Variants in SLC44A1 observed in about 807,000 individuals in gnomAD.
The protein encoded by SLC44A1 is choline transporter-like protein 1.
SLC44A1 carries 26 observed loss-of-function variants against 79.3 expected under a neutral mutation model. That is an observed-to-expected ratio of 0.33 (90% CI 0.24 to 0.46). SLC44A1 has a LOEUF of 0.46. Among genes scored for constraint, SLC44A1 ranks in the 20% least tolerant of loss-of-function variants. The pLI is 1.00. For synonymous variants in SLC44A1, 263 were observed against 286.2 expected (o/e 0.92, Z 0.82); for missense variants, 688 against 798.1 (o/e 0.86, Z 1.66).
At chr9:105,313,457 G>A (rs752307013) in intron 3 of SLC44A1, among the ~76,000 whole-genome samples, 4 of 152,164 alleles carry the variant, frequency 2.6e-5, no homozygotes, top group Non-Finnish European at 4.4e-5. Flanking sequence ...CACTTAAATT[G>A]TTGGTCAGGG....
intron 5 of SLC44A1, among the ~76,000 whole-genome samples, chr9:105,351,263 G>A: frequency 6.6e-6 from 1 of 152,186 alleles, no homozygotes; most frequent in East Asian, 1.9e-4. Flanking sequence ...GCCAGATGCA[G>A]TGGCTTATGC....
At chr9:105,415,145 G>C (rs966691818) in intron 15 of SLC44A1, among the ~76,000 whole-genome samples, 3 of 152,176 alleles carry the variant, frequency 2.0e-5, no homozygotes, top group African/African-American at 7.2e-5. Flanking sequence ...GAGGTTTATT[G>C]AGTGAATCAA....
chr9:105,411,573 A>G (rs1231645387), intron 15 of SLC44A1, among the ~76,000 whole-genome samples: 3 of 151,856 alleles, frequency 2.0e-5, no homozygotes, highest in Non-Finnish European at 2.9e-5. Context: ...CTGGTCAACA[A>G]TCCAATCTAG....
At chr9:105,273,769 C>T (rs374936468) in intron 1 of SLC44A1, among the ~76,000 whole-genome samples, 1 of 151,912 alleles carries the variant, frequency 6.6e-6, no homozygotes, top group African/African-American at 2.4e-5. Context: ...TTTTGTATTG[C>T]TCTAAAATCA....
intron 15 of SLC44A1, among the ~76,000 whole-genome samples, chr9:105,417,588 G>A (rs1829188050): frequency 6.6e-6 from 1 of 152,150 alleles, no homozygotes. Flanking sequence ...TTCTCTTGAA[G>A]ACTGAGTGAA....
At chr9:105,247,471 A>G (rs1261149494) in intron 1 of SLC44A1, among the ~76,000 whole-genome samples, 1 of 151,970 alleles carries the variant, frequency 6.6e-6, no homozygotes, top group Non-Finnish European at 1.5e-5. Flanking sequence ...CTAATTTTGT[A>G]TTTTTGGTAG....
intron 15 of SLC44A1, among the ~76,000 whole-genome samples, chr9:105,421,585 T>C (rs2131516165): frequency 7.0e-6 from 1 of 142,694 alleles, no homozygotes; most frequent in African/African-American, 2.5e-5. Context: ...GAAATCTCTT[T>C]TTTTTTTTTT....
At chr9:105,257,033 G>A (rs958789819) in intron 1 of SLC44A1, among the ~76,000 whole-genome samples, 16 of 151,902 alleles carry the variant, frequency 1.1e-4, no homozygotes, top group African/African-American at 3.4e-4. Flanking sequence ...TAATCCACCC[G>A]CCTTGGCCTC....
At chr9:105,334,458 T>C (rs1826849562) in intron 3 of SLC44A1, among the ~76,000 whole-genome samples, 1 of 152,194 alleles carries the variant, frequency 6.6e-6, no homozygotes, top group Admixed American at 6.5e-5. Context: ...CTAATTTTTA[T>C]ATTAGGTTAT....
rs377090781 is a variant in SLC44A1, at chr9:105,405,871, G to C, written c.1950+20369G>C. Reference sequence around the variant, plus strand: ...GGCAGACAGATGGAAGCCTGGGAAAGAAGAGGCTAGAAAAGGACATACACG... The same window carrying C: ...GGCAGACAGATGGAAGCCTGGGAAACAAGAGGCTAGAAAAGGACATACACG... On this transcript the variant is annotated intron_variant, in intron 15 of 15. Transcript: ENST00000374724. Among the ~76,000 whole-genome samples, 9 of 152,310 alleles carry C rather than the reference G, an allele frequency of 5.9e-5. No homozygotes were observed. The South Asian group carries it at 6.2e-4, about 11-fold the overall frequency.
At chr9:105,309,949 G>A in intron 3 of SLC44A1, 83 bp downstream of exon 3, 1 of 1,357,232 alleles carries the variant, frequency 7.4e-7, no homozygotes. Context: ...CTGTTTTAAA[G>A]ATAATATCTT....
intron 12 of SLC44A1, among the ~76,000 whole-genome samples, chr9:105,370,405 C>T (rs1040047197): frequency 7.2e-5 from 11 of 152,080 alleles, no homozygotes; most frequent in Non-Finnish European, 8.8e-5. Flanking sequence ...AAAGGAATTG[C>T]ATAGATCCAT....
intron 3 of SLC44A1, among the ~76,000 whole-genome samples, chr9:105,313,656 A>G (rs946771494): frequency 1.2e-4 from 18 of 152,162 alleles, no homozygotes; most frequent in African/African-American, 4.3e-4. Flanking sequence ...TTCCAAAAAC[A>G]TACTTTTTCT....
Position 105,394,465 on chromosome 9 carries a change from T to C in SLC44A1, c.*5409T>C. On this transcript the variant is annotated 3_prime_UTR_variant, in exon 16 of 16. Transcript: ENST00000374720. ...TGTTTGTGTGTGTGTGTGTGTGTCC[T>C]GGCGGTTATTTGGGGGCAAGGTACC... 2.1e-6 allele frequency: 2 copies of C among 964,996 alleles called. No homozygotes were observed. Among genetic ancestry groups the C allele is most frequent in the South Asian group, 9.8e-5 (2 of 20,448 alleles). 59.8% of individuals were successfully genotyped at this position (964,996 alleles called of 1,614,324 possible). A position where few individuals can be genotyped will look rare whatever the true frequency, so the allele number is the denominator to read the frequency against.
At chr9:105,253,827 C>T (rs1475068283) in intron 1 of SLC44A1, among the ~76,000 whole-genome samples, 3 of 152,104 alleles carry the variant, frequency 2.0e-5, no homozygotes, top group South Asian at 2.1e-4. Flanking sequence ...CGGGTTTAAG[C>T]GATTCTCCTG....
chr9:105,384,104 A>G lies in SLC44A1; in HGVS notation c.1869+745A>G, dbSNP rs565396410. ...GGTAATATTGAATACTAAGCATTAT[A>G]CATTGAAATAACAAGTCATTTTCCA... On this transcript the variant is annotated intron_variant, in intron 14 of 15. Transcript: ENST00000374720. 9.8e-5 allele frequency among the ~76,000 whole-genome samples: 15 copies of G among 152,342 alleles called. No individual in the cohort carries two copies. The South Asian group carries it at 2.7e-3, about 27-fold the overall frequency.
At position 105,335,766 on chromosome 9, in the gene SLC44A1, C is replaced by T. The variant is rs1826899021; in HGVS notation, c.406+67C>T. 1.7e-5 allele frequency: 24 copies of T among 1,448,406 alleles called. No individual in the cohort carries two copies. The South Asian group carries it at 2.5e-4, about 15-fold the overall frequency. 89.7% of individuals were successfully genotyped at this position (1,448,406 alleles called of 1,614,324 possible). A position where few individuals can be genotyped will look rare whatever the true frequency, so the allele number is the denominator to read the frequency against. On this transcript the variant is annotated intron_variant, in intron 4 of 15. Coordinates refer to ENST00000374720, the MANE Select transcript of SLC44A1 (RefSeq NM_080546.5). ...TTCTCTTTGTTAAATATAAATTTGC[C>T]CTAGTGTTAAATAAATTATCAAGGA...
Position 105,348,456 on chromosome 9 carries a change from AT to A in SLC44A1, c.500+9del. 1 of 1,541,880 alleles carries A rather than the reference AT, an allele frequency of 6.5e-7. No individual in the cohort carries two copies. The highest frequency in any genetic ancestry group is 9.0e-7 in the Non-Finnish European group (1 of 1,114,716). ...CAAACTACCAGTTCCAGCGAGGTAA[AT>A]TTTATTGCAAAGTTGTTAACTTGTG... On this transcript the variant is annotated splice_donor_region_variant and intron_variant, in intron 5 of 15. Transcript: ENST00000374720.
At chr9:105,350,547 A>G (rs898549957) in intron 5 of SLC44A1, among the ~76,000 whole-genome samples, 1 of 152,150 alleles carries the variant, frequency 6.6e-6, no homozygotes, top group African/African-American at 2.4e-5. Flanking sequence ...ACCCCTCAGC[A>G]TCCTTCACAT....
Sources: gnomAD v4.1 joint callset for allele counts (sites outside exome capture counted in the v4.1 genomes callset) on GRCh38, gnomAD v4.1.1 for gene constraint, MANE v1.5 for transcripts, NCBI Gene and HGNC (gene_info 2026-07-23, HGNC 2026-07-21) for gene names.